GUK1: variants seen among roughly 807,000 people sequenced by gnomAD.
GUK1 encodes the protein guanylate kinase.
In GUK1, 18 loss-of-function variants were observed where a neutral mutation model predicts 25.2. That is an observed-to-expected ratio of 0.71 (90% CI 0.49 to 1.06). The LOEUF is 1.06. Among genes scored for constraint, GUK1 ranks in the 50% least tolerant of loss-of-function variants. GUK1 has a pLI of 0.00. For missense variants in GUK1, 261 were observed against 276.7 expected (o/e 0.94, Z 0.40); for synonymous variants, 105 against 117.6 (o/e 0.89, Z 0.69).
In GUK1 at chr1:228,140,380, C is replaced by A; in HGVS notation, c.-168+17C>A. 1.3e-6 allele frequency: 2 copies of A among 1,500,148 alleles called. No homozygotes were observed. The highest frequency in any genetic ancestry group is 1.2e-5 in the South Asian group (1 of 80,636). The allele number at this position is 1,500,148 out of a possible 1,614,324, so 92.9% of individuals were successfully genotyped here. A position where few individuals can be genotyped will look rare whatever the true frequency, so the allele number is the denominator to read the frequency against. On this transcript the variant is annotated intron_variant, in intron 1 of 8. Transcript: ENST00000312726. ...CACCGGACGGTGAGTACGACAAGCG[C>A]GATCGCGAGGGTGACTCGGGTCGAG...
intron 2 of GUK1, among the ~76,000 whole-genome samples, chr1:228,142,571 C>CG (rs1558110886): frequency 2.0e-5 from 3 of 152,028 alleles, no homozygotes; most frequent in East Asian, 3.9e-4. Flanking sequence ...AGGAAACAGG[C>CG]GGGGTTGGGG....
chr1:228,147,706 G>A lies in GUK1; in HGVS notation c.475+7G>A. ...CAGGCCGACATGGAGAGCAGTGAGT[G>A]TGCCGTGGGATCACCAGGGAATGCC... On this transcript the variant is annotated splice_region_variant and intron_variant, in intron 7 of 8. Coordinates refer to ENST00000312726, the MANE Select transcript of GUK1 (RefSeq NM_000858.7). 1 of 1,611,800 alleles carries A rather than the reference G, an allele frequency of 6.2e-7. No individual in the cohort carries two copies. Among genetic ancestry groups the A allele is most frequent in the South Asian group, 1.1e-5 (1 of 91,022 alleles).
chr1:228,142,616 T>C (rs1239649540), intron 2 of GUK1, among the ~76,000 whole-genome samples: 1 of 152,084 alleles, frequency 6.6e-6, no homozygotes, highest in East Asian at 1.9e-4. Context: ...TGTGCTGGGT[T>C]GCATCTGTTG....
Position 228,141,237 on chromosome 1 carries a change from G to C in GUK1, c.-54G>C. On this transcript the variant is annotated 5_prime_UTR_variant, in exon 2 of 9. Coordinates refer to ENST00000312726, the MANE Select transcript of GUK1 (RefSeq NM_000858.7). ...ACATAGCCGCGCAGCATCGTGAAGGGCTGGGGCCTTCACTCCTCTGTGGCT... is the reference window on the plus strand; with the variant it reads ...ACATAGCCGCGCAGCATCGTGAAGGCCTGGGGCCTTCACTCCTCTGTGGCT... 1.0e-6 allele frequency: 1 copy of C among 984,112 alleles called. No homozygotes were observed. The highest frequency in any genetic ancestry group is 1.2e-6 in the Non-Finnish European group (1 of 828,660). The allele number at this position is 984,112 out of a possible 1,614,324, so 61.0% of individuals were successfully genotyped here.
chr1:228,145,489 C>T (rs1251119604), intron 2 of GUK1, 22 bp from the exon 2 acceptor site: 1 of 1,593,134 alleles, frequency 6.3e-7, no homozygotes, highest in Non-Finnish European at 8.5e-7. Flanking sequence ...CTGCTATCCA[C>T]AGCCTCTCTT....
chr1:228,140,173 T>C, upstream of GUK1: 1 of 782,220 alleles, frequency 1.3e-6, no homozygotes, highest in African/African-American at 1.8e-5. Flanking sequence ...AGTACTTCCC[T>C]AAGGGGCGGG....
chr1:228,145,687 C>A, intron 3 of GUK1, 63 bp downstream of exon 2: 1 of 1,558,808 alleles, frequency 6.4e-7, no homozygotes, highest in South Asian at 1.2e-5. Flanking sequence ...GTCCTAGCAC[C>A]GTGAGCAGGC....
intron 3 of GUK1, 81 bp downstream of exon 2, chr1:228,145,705 C>T: frequency 6.6e-7 from 1 of 1,508,908 alleles, no homozygotes; most frequent in Non-Finnish European, 9.0e-7. Context: ...GGCCAGGAGC[C>T]CAAACCCAAC....
chr1:228,146,398 A>G (rs2034374569), intron 4 of GUK1: 4 of 467,040 alleles, frequency 8.6e-6, no homozygotes, highest in Non-Finnish European at 1.5e-5. Context: ...GTCCTGGTAA[A>G]AAGGGCTACT....
chr1:228,140,392 T>C, intron 1 of GUK1, 29 bp downstream of exon 1: 2 of 1,472,796 alleles, frequency 1.4e-6, no homozygotes, highest in South Asian at 2.6e-5. Context: ...ATCGCGAGGG[T>C]GACTCGGGTC....
At chr1:228,143,101 C>G (rs1377785074) in intron 2 of GUK1, among the ~76,000 whole-genome samples, 4 of 152,128 alleles carry the variant, frequency 2.6e-5, no homozygotes, top group Non-Finnish European at 5.9e-5. Context: ...GGAGGGGAGG[C>G]CTGGTCAGTG....
intron 3 of GUK1, 39 bp downstream of exon 2, chr1:228,145,663 A>G: frequency 6.3e-7 from 1 of 1,598,994 alleles, no homozygotes; most frequent in South Asian, 1.1e-5. Context: ...CGTAGACCTC[A>G]AGGCTGCTGA....
At chr1:228,141,979 A>G (rs2034083164) in intron 2 of GUK1, 1 of 220,342 alleles carries the variant, frequency 4.5e-6, no homozygotes, top group Non-Finnish European at 8.7e-6. Context: ...TGTTCTGGTC[A>G]GGGCAAAGGC....
Position 228,147,523 on chromosome 1 carries a change from G to A in GUK1, c.369G>A (p.Gln123=). The change falls in exon 6 of 9, where the codon CAG becomes CAA. Residue 123 remains glutamine (Q), a synonymous_variant. Transcript: ENST00000312726. ...TGCGGCCCATCTACATCTCTGTGCAGCCGCCTTCACTGCACGTGCTGGTGT... is the reference window on the plus strand; with the variant it reads ...TGCGGCCCATCTACATCTCTGTGCAACCGCCTTCACTGCACGTGCTGGTGT... 1 of 1,613,410 alleles carries A rather than the reference G, an allele frequency of 6.2e-7. No homozygotes were observed. The highest frequency in any genetic ancestry group is 8.5e-7 in the Non-Finnish European group (1 of 1,179,976).
intron 2 of GUK1, among the ~76,000 whole-genome samples, chr1:228,143,673 A>AGCT (rs2034191762): frequency 6.6e-6 from 1 of 152,198 alleles, no homozygotes; most frequent in Non-Finnish European, 1.5e-5. Flanking sequence ...GAATGGATAA[A>AGCT]GAACCCTGGC....
chr1:228,144,285 C>T (rs2034238171), intron 2 of GUK1: 1 of 152,306 alleles, frequency 6.6e-6, no homozygotes, highest in Non-Finnish European at 1.5e-5. Context: ...GTCTGCTCGT[C>T]TGCCCACAGG....
intron 2 of GUK1, chr1:228,144,727 T>TCTG (rs2034272092): frequency 1.0e-6 from 1 of 985,286 alleles, no homozygotes; most frequent in African/African-American, 1.7e-5. Flanking sequence ...CCAGGCTGAC[T>TCTG]ACAGAGGCTG....
At chr1:228,147,338 G>C (rs2034438135) in intron 5 of GUK1, 68 bp from the exon 5 acceptor site, 2 of 1,479,580 alleles carry the variant, frequency 1.4e-6, no homozygotes, top group Admixed American at 1.8e-5. Context: ...GAGGGCCTGG[G>C]TGTCCCTGAA....
At chr1:228,147,827 C>T in intron 7 of GUK1, 128 bp downstream of exon 6, 1 of 715,276 alleles carries the variant, frequency 1.4e-6, no homozygotes, top group African/African-American at 1.8e-5. Flanking sequence ...GTCCTCAGAC[C>T]TCTCAACTAC....
Sources: allele counts gnomAD v4.1 joint callset (sites outside exome capture counted in the v4.1 genomes callset), GRCh38; gene constraint gnomAD v4.1.1; transcripts MANE v1.5; gene names NCBI Gene and HGNC (gene_info 2026-07-23, HGNC 2026-07-21).